The following ROBO1 variants were observed in gnomAD, a reference collection of about 807,000 sequenced individuals.
ROBO1 encodes roundabout guidance receptor 1.
In ROBO1, 149 loss-of-function variants were observed where a neutral mutation model predicts 195.9. The observed-to-expected ratio is 0.76, with a 90% CI of 0.67 to 0.87. The LOEUF is 0.87. Ranked by LOEUF, ROBO1 falls within the 40% of genes least tolerant of loss-of-function variation. The pLI, the probability that ROBO1 is intolerant of heterozygous loss-of-function variation, is 0.00. For missense variants in ROBO1, 1,933 were observed against 2,068.3 expected (o/e 0.93, Z 1.27); for synonymous variants, 816 against 733.2 (o/e 1.11, Z -1.82).
chr3:78,961,042 A>C (rs2041319687), intron 3 of ROBO1, among the ~76,000 whole-genome samples: 3 of 152,112 alleles, frequency 2.0e-5, no homozygotes, highest in Non-Finnish European at 2.9e-5. Flanking sequence ...ATTTTCCTTC[A>C]TAATAGTTTT....
intron 2 of ROBO1, among the ~76,000 whole-genome samples, chr3:79,424,871 G>T (rs1442369626): frequency 6.6e-6 from 1 of 152,118 alleles, no homozygotes; most frequent in Non-Finnish European, 1.5e-5. Context: ...ATGAGGCAGA[G>T]AACACAAGAA....
At chr3:79,315,859 A>G (rs1423861130) in intron 2 of ROBO1, among the ~76,000 whole-genome samples, 2 of 152,206 alleles carry the variant, frequency 1.3e-5, no homozygotes, top group Non-Finnish European at 2.9e-5. Flanking sequence ...AAGAGTAATG[A>G]TAGAGTCAGC....
At chr3:79,589,686 CAAG>C in intron 2 of ROBO1, 135 bp downstream of exon 2, 1 of 663,482 alleles carries the variant, frequency 1.5e-6, no homozygotes, top group Non-Finnish European at 2.7e-6. Flanking sequence ...CACTCATACT[CAAG>C]AAGACATTCA....
At chr3:78,889,458 G>A (rs553701209) in intron 4 of ROBO1, among the ~76,000 whole-genome samples, 5 of 152,180 alleles carry the variant, frequency 3.3e-5, no homozygotes, top group Non-Finnish European at 5.9e-5. Flanking sequence ...ACACATGTGC[G>A]TAAGGGTACA....
rs1306434315 is a variant in ROBO1 at position 79,053,573 on chromosome 3, AC to A, written c.172+71882del. Among the ~76,000 whole-genome samples, 13 of 151,846 alleles carry A rather than the reference AC, an allele frequency of 8.6e-5. No individual in the cohort carries two copies. In the East Asian group the frequency reaches 2.5e-3, roughly 30 times the overall value. On this transcript the variant is annotated intron_variant, in intron 3 of 30. Coordinates refer to ENST00000464233, the MANE Select transcript of ROBO1 (RefSeq NM_002941.4). ...ACCCTCCTGTCATTTTGGTTCCTCA[AC>A]CGGTCACTTTGCCATCCATTCAGCC... is the stretch of plus-strand genomic sequence containing the variant.
intron 4 of ROBO1, among the ~76,000 whole-genome samples, chr3:78,930,170 G>A (rs540012344): frequency 1.3e-5 from 2 of 152,322 alleles, no homozygotes; most frequent in East Asian, 3.9e-4. Flanking sequence ...TTGTTGGGAA[G>A]TGAGTGAAAA....
intron 10 of ROBO1, among the ~76,000 whole-genome samples, chr3:78,676,720 G>T (rs1330356179): frequency 2.0e-5 from 3 of 152,178 alleles, no homozygotes; most frequent in African/African-American, 7.2e-5. Context: ...GAAAGTGACG[G>T]GGAGAATGGA....
chr3:79,575,266 T>G (rs1319285382), intron 2 of ROBO1, among the ~76,000 whole-genome samples: 3 of 126,878 alleles, frequency 2.4e-5, no homozygotes, highest in Admixed American at 9.2e-5. Context: ...TATAAATATA[T>G]ATAACAAATA....
intron 2 of ROBO1, among the ~76,000 whole-genome samples, chr3:79,569,733 G>GTA (rs140883086): frequency 0.064 from 9,649 of 151,206 alleles, 433 homozygotes; most frequent in Non-Finnish European, 0.092. Context: ...GTGTGTATGT[G>GTA]TATATATATA....
At chr3:78,768,250 G>T (rs1270902084) in intron 4 of ROBO1, among the ~76,000 whole-genome samples, 1 of 151,746 alleles carries the variant, frequency 6.6e-6, no homozygotes, top group East Asian at 1.9e-4. Context: ...TTTTTGGGGG[G>T]TGGGGTGGAG....
chr3:78,672,485 G>T (rs1227272109), intron 10 of ROBO1, among the ~76,000 whole-genome samples: 2 of 151,006 alleles, frequency 1.3e-5, no homozygotes, highest in Admixed American at 6.6e-5. Context: ...CCAGCAACTT[G>T]ACAGACTGAG....
intron 3 of ROBO1, among the ~76,000 whole-genome samples, chr3:79,121,564 C>G (rs751221825): frequency 1.3e-5 from 2 of 151,974 alleles, no homozygotes; most frequent in Non-Finnish European, 2.9e-5. Flanking sequence ...TATGAAACCT[C>G]TGACATTTCA....
chr3:78,637,378 G>A (rs146737420), intron 22 of ROBO1, among the ~76,000 whole-genome samples: 248 of 152,190 alleles, frequency 1.6e-3, no homozygotes, highest in African/African-American at 4.0e-3. Flanking sequence ...TAAAGATCAT[G>A]TGGTTTTTGC....
At chr3:79,277,778 T>G (rs902416236) in intron 2 of ROBO1, among the ~76,000 whole-genome samples, 1 of 137,988 alleles carries the variant, frequency 7.2e-6, no homozygotes, top group African/African-American at 3.1e-5. Flanking sequence ...AAATAAAAAA[T>G]AACATTAAAA....
At chr3:79,122,773 A>G (rs1183731865) in intron 3 of ROBO1, among the ~76,000 whole-genome samples, 2 of 151,890 alleles carry the variant, frequency 1.3e-5, no homozygotes, top group African/African-American at 4.8e-5. Context: ...TGTAAATGGG[A>G]ATTTTAGTGA....
At chr3:79,478,357 T>C (rs2107361526) in intron 2 of ROBO1, among the ~76,000 whole-genome samples, 1 of 151,660 alleles carries the variant, frequency 6.6e-6, no homozygotes, top group East Asian at 1.9e-4. Context: ...AAATACAGCT[T>C]ATTCAACCTG....
chr3:79,703,937 G>A (rs910905740), intron 1 of ROBO1, among the ~76,000 whole-genome samples: 11 of 151,948 alleles, frequency 7.2e-5, no homozygotes, highest in African/African-American at 2.7e-4. Flanking sequence ...TTTTGTGGCA[G>A]ATATTTTTAT....
At chr3:79,057,883 C>A (rs892552743) in intron 3 of ROBO1, among the ~76,000 whole-genome samples, 1 of 152,028 alleles carries the variant, frequency 6.6e-6, no homozygotes, top group African/African-American at 2.4e-5. Flanking sequence ...CCCTGCTAAA[C>A]CAGGAGAAGA....
intron 4 of ROBO1, among the ~76,000 whole-genome samples, chr3:78,761,597 G>A (rs1240623325): frequency 6.6e-6 from 1 of 152,092 alleles, no homozygotes; most frequent in Non-Finnish European, 1.5e-5. Flanking sequence ...ATAAACAGTT[G>A]CTAGCCTCTT....
Sources: gnomAD v4.1 joint callset for allele counts (sites outside exome capture counted in the v4.1 genomes callset) on GRCh38, gnomAD v4.1.1 for gene constraint, MANE v1.5 for transcripts, NCBI Gene and HGNC (gene_info 2026-07-23, HGNC 2026-07-21) for gene names.